Variants in PRELID2 observed in about 807,000 individuals in gnomAD.
PRELID2 encodes PRELI domain containing 2.
PRELID2 carries 25 observed loss-of-function variants against 28.4 expected under a neutral mutation model. The observed-to-expected ratio is 0.88, with a 90% CI of 0.64 to 1.23. The LOEUF (loss-of-function observed/expected upper bound fraction) is 1.23. PRELID2 is among the 50% of genes most tolerant of loss of function. PRELID2 has a pLI of 0.00. For synonymous variants in PRELID2, 76 were observed against 71.6 expected (o/e 1.06, Z -0.31); for missense variants, 201 against 214.4 (o/e 0.94, Z 0.39).
intron 4 of PRELID2, among the ~76,000 whole-genome samples, chr5:145,817,198 A>AAAAAAAATAC (rs1365517052): frequency 1.4e-5 from 1 of 70,096 alleles, no homozygotes; most frequent in Non-Finnish European, 3.3e-5. Context: ...TTCAAAAAAA[A>AAAAAAAATAC]ATAAATAAAT....
chr5:145,298,440 C>A, the PRELID2 span, among the ~76,000 whole-genome samples: 6 of 152,114 alleles, frequency 3.9e-5, no homozygotes, highest in Non-Finnish European at 8.8e-5. Flanking sequence ...AAACTGGATC[C>A]CTTCCTTACA....
At chr5:145,498,740 A>G (rs1188731240) in intron 1 of PRELID2, among the ~76,000 whole-genome samples, 1 of 151,900 alleles carries the variant, frequency 6.6e-6, no homozygotes, top group Non-Finnish European at 1.5e-5. Flanking sequence ...TATTTTTAGT[A>G]GAGATAAGGT....
chr5:145,819,323 C>G, intron 3 of PRELID2: 2 of 1,138,408 alleles, frequency 1.8e-6, no homozygotes, highest in Admixed American at 3.4e-5. Flanking sequence ...TCTAAAAGGA[C>G]TCCCACTGAA....
Position 145,616,989 on chromosome 5 carries a change from G to A in PRELID2, n.71-143674C>T, listed in dbSNP as rs557259457. Among the ~76,000 whole-genome samples the A allele has an allele frequency of 3.9e-5, 6 of 152,258 alleles. No homozygotes were observed. The South Asian group carries it at 1.0e-3, about 26-fold the overall frequency. On this transcript the variant is annotated intron_variant and non_coding_transcript_variant, in intron 1 of 2. Coordinates refer to the PRELID2 transcript ENST00000510259. Reference sequence around the variant, plus strand: ...GGGATGCATTCGCTTTCTCAGGGATGTTCCTTGCTGAGAAAAAGAATTCAG... The same window carrying A: ...GGGATGCATTCGCTTTCTCAGGGATATTCCTTGCTGAGAAAAAGAATTCAG...
intron 1 of PRELID2, among the ~76,000 whole-genome samples, chr5:145,522,686 A>G (rs1053625358): frequency 1.3e-5 from 2 of 152,162 alleles, no homozygotes; most frequent in African/African-American, 4.8e-5. Context: ...ACTTTATTTC[A>G]AACCACACGA....
At chr5:145,361,658 C>T in the PRELID2 span, among the ~76,000 whole-genome samples, 1 of 152,160 alleles carries the variant, frequency 6.6e-6, no homozygotes, top group Non-Finnish European at 1.5e-5. Flanking sequence ...ACTCCTACCT[C>T]AACAAGAACA....
At chr5:145,435,663 G>A in the PRELID2 span, among the ~76,000 whole-genome samples, 9 of 151,990 alleles carry the variant, frequency 5.9e-5, no homozygotes, top group East Asian at 3.9e-4. Flanking sequence ...GCTCTTCCTC[G>A]TTCTTTGCCA....
intron 1 of PRELID2, among the ~76,000 whole-genome samples, chr5:145,508,130 A>C (rs1752427539): frequency 6.6e-6 from 1 of 152,170 alleles, no homozygotes; most frequent in Non-Finnish European, 1.5e-5. Flanking sequence ...GTTTAGCGAT[A>C]GTGCGAATCT....
intron 1 of PRELID2, among the ~76,000 whole-genome samples, chr5:145,642,152 T>C (rs1202008312): frequency 6.6e-6 from 1 of 151,690 alleles, no homozygotes; most frequent in Non-Finnish European, 1.5e-5. Flanking sequence ...GTGTTCCTAT[T>C]TCTCCACATC....
the PRELID2 span, among the ~76,000 whole-genome samples, chr5:145,455,102 A>T: frequency 6.6e-6 from 1 of 151,888 alleles, no homozygotes; most frequent in Non-Finnish European, 1.5e-5. Flanking sequence ...CTTGGGTTTT[A>T]TGGTTTTAGG....
the PRELID2 span, among the ~76,000 whole-genome samples, chr5:145,359,375 C>T: frequency 1.4e-4 from 21 of 152,260 alleles, no homozygotes; most frequent in Admixed American, 3.9e-4. Flanking sequence ...TTAATCTCTC[C>T]CTGTTCTCAA....
At chr5:145,419,957 A>T in the PRELID2 span, among the ~76,000 whole-genome samples, 1 of 152,008 alleles carries the variant, frequency 6.6e-6, no homozygotes. Context: ...ATGGCTAGCC[A>T]GTTTTCCCAG....
chr5:145,402,914 C>T, the PRELID2 span, among the ~76,000 whole-genome samples: 2 of 152,118 alleles, frequency 1.3e-5, no homozygotes, highest in Admixed American at 6.6e-5. Flanking sequence ...GCTGAGCCAT[C>T]CAGATACTAT....
the PRELID2 span, among the ~76,000 whole-genome samples, chr5:145,359,905 C>A: frequency 1.3e-5 from 2 of 152,168 alleles, no homozygotes; most frequent in Non-Finnish European, 2.9e-5. Context: ...AAATTTTAAG[C>A]ATGTTCACAG....
the PRELID2 span, among the ~76,000 whole-genome samples, chr5:145,454,445 G>T: frequency 6.6e-6 from 1 of 152,270 alleles, no homozygotes; most frequent in East Asian, 1.9e-4. Context: ...TTAGGCAGAA[G>T]AAGGAAATAA....
At chr5:145,259,290 G>C in the PRELID2 span, among the ~76,000 whole-genome samples, 1 of 152,182 alleles carries the variant, frequency 6.6e-6, no homozygotes, top group Admixed American at 6.5e-5. Flanking sequence ...GCCTAGTGGA[G>C]CTATGAGAAG....
the PRELID2 span, among the ~76,000 whole-genome samples, chr5:145,273,370 G>A: frequency 3.9e-5 from 6 of 151,914 alleles, no homozygotes; most frequent in Non-Finnish European, 5.9e-5. Context: ...TTCACCACCC[G>A]CTACCACCTG....
At chr5:145,421,522 G>C in the PRELID2 span, among the ~76,000 whole-genome samples, 3,091 of 104,360 alleles carry the variant, frequency 0.03, no homozygotes, top group Middle Eastern at 0.061. Context: ...TATTTGCATA[G>C]AGGTGTTTGT....
chr5:145,698,802 C>G (rs573703986), intron 1 of PRELID2, among the ~76,000 whole-genome samples: 31 of 152,344 alleles, frequency 2.0e-4, no homozygotes, highest in Admixed American at 2.0e-4. Flanking sequence ...TCTCAGCTCA[C>G]TGTAACCTCT....
Sources: allele counts gnomAD v4.1 joint callset (sites outside exome capture counted in the v4.1 genomes callset), GRCh38; gene constraint gnomAD v4.1.1; transcripts MANE v1.5; gene names NCBI Gene and HGNC (gene_info 2026-07-23, HGNC 2026-07-21).